TPTE2: variants seen among roughly 807,000 people sequenced by gnomAD.
TPTE2 encodes the protein transmembrane phosphoinositide 3-phosphatase and tensin homolog 2, also known as phosphatidylinositol 3,4,5-trisphosphate 3-phosphatase TPTE2.
Under a neutral mutation model 78.6 loss-of-function variants are expected in TPTE2, and 53 were observed. The observed-to-expected ratio is 0.67, with a 90% CI of 0.54 to 0.85. The LOEUF is 0.85. TPTE2 is among the 40% of genes least tolerant of loss of function. The pLI, the probability that TPTE2 is intolerant of heterozygous loss-of-function variation, is 0.00. For missense variants in TPTE2, 461 were observed against 623.0 expected (o/e 0.74, Z 2.77); for synonymous variants, 175 against 206.2 (o/e 0.85, Z 1.30).
chr13:19,506,945 T>C (rs1869090670), upstream of TPTE2, among the ~76,000 whole-genome samples: 1 of 152,224 alleles, frequency 6.6e-6, no homozygotes, highest in African/African-American at 2.4e-5. Context: ...AGAAGTAGAC[T>C]TCTTGTGATC....
intron 13 of TPTE2, among the ~76,000 whole-genome samples, chr13:19,443,397 C>CT (rs71092357): frequency 0.67 from 87,340 of 129,514 alleles, 31,772 homozygotes; most frequent in East Asian, 0.93. Flanking sequence ...TTCTTTCTTT[C>CT]TTTTTTTTTT....
At chr13:19,509,741 T>C (rs3002094) in intron 1 of TPTE2, among the ~76,000 whole-genome samples, 151,665 of 152,228 alleles carry the variant, frequency 1, 75,554 homozygotes, top group Middle Eastern at 1. Flanking sequence ...TAACTAATTG[T>C]GGTAATAAAA....
chr13:19,556,523 C>T, the TPTE2 span, among the ~76,000 whole-genome samples: 2 of 152,150 alleles, frequency 1.3e-5, no homozygotes, highest in African/African-American at 4.8e-5. Context: ...CTATTATGTA[C>T]AACATTCTCC....
rs147785936 is a variant in TPTE2 at position 19,423,683 on chromosome 13, G to T, written c.1467-519C>A. 1.6e-3 allele frequency among the ~76,000 whole-genome samples: 251 copies of T among 152,148 alleles called. 2 individuals are homozygous for T. In the East Asian group the frequency reaches 0.042, roughly 26 times the overall value. On this transcript the variant is annotated intron_variant, in intron 19 of 19. Transcript: ENST00000400230. ...TAAATGATAGAAGTTAGCATTTTTG[G>T]CTAAACAACAATCTCATAACTAACA...
the TPTE2 span, chr13:19,560,417 A>T: frequency 5.1e-5 from 82 of 1,608,850 alleles, no homozygotes; most frequent in East Asian, 7.1e-4. Flanking sequence ...TCCAGGACTA[A>T]GTCCTCAGCG....
In TPTE2 at chr13:19,471,017, C is replaced by A. The variant is rs377004730; in HGVS notation, c.392+2897G>T. On this transcript the variant is annotated intron_variant, in intron 6 of 19. Coordinates refer to ENST00000400230, the Ensembl canonical transcript of TPTE2. The stretch of plus-strand genomic sequence containing the variant: ...CTCTGCCTCCCGGGTTCAAGTGATT[C>A]TCCTGCCTCAGCCTCCTGAGTAGCT... Among the ~76,000 whole-genome samples, 6 of 152,072 alleles carry A rather than the reference C, an allele frequency of 3.9e-5. No individual in the cohort carries two copies. The East Asian group carries it at 9.7e-4, about 24-fold the overall frequency.
chr13:19,435,045 C>T (rs184293431), intron 15 of TPTE2, among the ~76,000 whole-genome samples: 2 of 152,118 alleles, frequency 1.3e-5, no homozygotes, highest in African/African-American at 2.4e-5. Flanking sequence ...ATGTTGTAAA[C>T]GCTATAGGAT....
upstream of TPTE2, chr13:19,503,294 G>T: frequency 6.2e-7 from 1 of 1,613,058 alleles, no homozygotes; most frequent in Non-Finnish European, 8.5e-7. Flanking sequence ...GATGACAAAA[G>T]AATACAGTCA....
chr13:19,499,386 C>T, intron 1 of TPTE2, among the ~76,000 whole-genome samples: 1 of 151,378 alleles, frequency 6.6e-6, no homozygotes, highest in Non-Finnish European at 1.5e-5. Context: ...CAAAATTGAC[C>T]ACATACTTGG....
chr13:19,493,426 T>A (rs1379294983), intron 2 of TPTE2, 22 bp downstream of exon 5: 18 of 1,613,028 alleles, frequency 1.1e-5, no homozygotes, highest in Non-Finnish European at 1.4e-5. Flanking sequence ...CGGGTGACTT[T>A]ATTTAACTAT....
At chr13:19,504,731 T>C (rs1431202999), upstream of TPTE2, among the ~76,000 whole-genome samples, 3 of 152,104 alleles carry the variant, frequency 2.0e-5, no homozygotes, top group Non-Finnish European at 2.9e-5. Flanking sequence ...GCAGGGCCTA[T>C]AGTGAGGAGA....
chr13:19,436,355 T>C, intron 14 of TPTE2, 49 bp from the exon 18 acceptor site: 2 of 1,520,036 alleles, frequency 1.3e-6, no homozygotes, highest in South Asian at 2.3e-5. Context: ...ACTCTTTCCT[T>C]TCCTATATTA....
At chr13:19,464,359 T>G (rs1879124791) in intron 10 of TPTE2, 97 bp downstream of exon 13, 12 of 1,230,472 alleles carry the variant, frequency 9.8e-6, no homozygotes, top group Non-Finnish European at 1.0e-5. Flanking sequence ...GAGTACATTT[T>G]TAAAAGAATA....
At chr13:19,462,340 T>G (rs1878976028) in intron 10 of TPTE2, among the ~76,000 whole-genome samples, 1 of 152,084 alleles carries the variant, frequency 6.6e-6, no homozygotes. Context: ...TATTTCTCCC[T>G]CATTTCTAGG....
At chr13:19,554,753 T>C in the TPTE2 span, among the ~76,000 whole-genome samples, 1 of 152,228 alleles carries the variant, frequency 6.6e-6, no homozygotes, top group Admixed American at 6.5e-5. Flanking sequence ...TCTAACTGTG[T>C]AAGCCTTATT....
chr13:19,552,282 G>A, the TPTE2 span, among the ~76,000 whole-genome samples: 5 of 152,274 alleles, frequency 3.3e-5, no homozygotes, highest in East Asian at 9.6e-4. Context: ...CCTGTTGAGC[G>A]ATTAGAAAAC....
intron 10 of TPTE2, among the ~76,000 whole-genome samples, chr13:19,457,743 G>A (rs915021275): frequency 1.6e-4 from 24 of 152,094 alleles, no homozygotes; most frequent in African/African-American, 5.6e-4. Context: ...TGGTATTTAT[G>A]TATCACATTT....
chr13:19,550,955 C>G, the TPTE2 span, among the ~76,000 whole-genome samples: 15 of 152,184 alleles, frequency 9.9e-5, no homozygotes, highest in African/African-American at 3.1e-4. Flanking sequence ...CTGTGCCCAG[C>G]CTAATACTGG....
intron 9 of TPTE2, 27 bp downstream of exon 12, chr13:19,465,228 G>A (rs1335161891): frequency 1.2e-6 from 2 of 1,613,418 alleles, no homozygotes; most frequent in East Asian, 2.2e-5. Context: ...AGTAATACAA[G>A]TAAATCAACC....
Sources: allele counts gnomAD v4.1 joint callset (sites outside exome capture counted in the v4.1 genomes callset), GRCh38; gene constraint gnomAD v4.1.1; transcripts MANE v1.5; gene names NCBI Gene and HGNC (gene_info 2026-07-23, HGNC 2026-07-21).